Variants in B4GALT5 observed in about 807,000 individuals in gnomAD.
B4GALT5 encodes the protein beta-1,4-galactosyltransferase 5.
A neutral mutation model predicts 45.0 loss-of-function variants in B4GALT5; 11 were observed. That is an observed-to-expected ratio of 0.24 (90% confidence interval 0.15 to 0.40). The LOEUF (loss-of-function observed/expected upper bound fraction) is 0.40, where lower values mean the gene tolerates loss of function less well. Among genes scored for constraint, B4GALT5 ranks in the 10% least tolerant of loss-of-function variants. The pLI is 1.00. For synonymous variants in B4GALT5, 185 were observed against 182.9 expected, an observed-to-expected ratio of 1.01 and a Z score of -0.09; for missense variants, 337 against 500.2, an observed-to-expected ratio of 0.67 and a Z score of 3.11.
chr20:49,647,673 T>C (rs1416110663), intron 2 of B4GALT5, among the ~76,000 whole-genome samples: 1 of 152,206 alleles, frequency 6.6e-6, no homozygotes, highest in Non-Finnish European at 1.5e-5. Context: ...AAGTTATGCA[T>C]CTTGTTTTTC....
Position 49,646,958 on chromosome 20 carries a change from TACTC to T in B4GALT5, c.364+3_364+6del. 1 of 1,566,358 alleles carries T rather than the reference TACTC, an allele frequency of 6.4e-7. No individual in the cohort carries two copies. The highest frequency in any genetic ancestry group is 8.8e-7 in the Non-Finnish European group (1 of 1,136,964). ...AGCAGAGGAAGACAGGCCAGAGCTG[TACTC>T]ACTCATGGAAGGGAGTCTTTCAGGG... On this transcript the variant is annotated splice_donor_5th_base_variant and intron_variant, in intron 3 of 8. Coordinates refer to ENST00000371711, the MANE Select transcript of B4GALT5 (RefSeq NM_004776.4).
intron 2 of B4GALT5, among the ~76,000 whole-genome samples, chr20:49,647,836 T>TG: frequency 6.6e-6 from 1 of 151,998 alleles, no homozygotes; most frequent in Non-Finnish European, 1.5e-5. Flanking sequence ...CAAATGTGCT[T>TG]GGGGGGAGGT....
At chr20:49,667,665 C>A (rs1258594730) in intron 1 of B4GALT5, among the ~76,000 whole-genome samples, 1 of 152,178 alleles carries the variant, frequency 6.6e-6, no homozygotes, top group African/African-American at 2.4e-5. Context: ...CACACTTTGG[C>A]CTCCCAAAGT....
At chr20:49,644,722 T>C (rs897957704) in intron 3 of B4GALT5, among the ~76,000 whole-genome samples, 5 of 152,214 alleles carry the variant, frequency 3.3e-5, no homozygotes, top group Non-Finnish European at 7.3e-5. Flanking sequence ...AAAACCTATA[T>C]ATGTGTGGTG....
chr20:49,712,548 C>T (rs1240970302), intron 1 of B4GALT5, among the ~76,000 whole-genome samples: 3 of 152,118 alleles, frequency 2.0e-5, no homozygotes, highest in Non-Finnish European at 4.4e-5. Context: ...GTACCCATTA[C>T]ATCTTTCCTC....
chr20:49,662,132 T>G (rs1354873983), intron 1 of B4GALT5, among the ~76,000 whole-genome samples: 2 of 152,160 alleles, frequency 1.3e-5, no homozygotes, highest in African/African-American at 4.8e-5. Context: ...CCTTTCTCAC[T>G]GAACCTTAAT....
Position 49,640,611 on chromosome 20 carries a change from C to A in B4GALT5, c.661G>T (p.Ala221Ser), listed in dbSNP as rs2085572870. 6.2e-7 allele frequency: 1 copy of A among 1,613,884 alleles called. No homozygotes were observed. Among genetic ancestry groups the A allele is most frequent in the South Asian group, 1.1e-5 (1 of 90,988 alleles). The change falls in exon 6 of 9, where the codon GCA becomes TCA. Residue 221 changes from alanine (A) to serine (S), a missense_variant. By Grantham distance (99) the Ala-to-Ser change is moderately conservative (BLOSUM62 1). Transcript: ENST00000371711. The stretch of plus-strand genomic sequence containing the variant: ...CAGTCCCAATCCAAGTCTTTCATTG[C>A]CTCTTGAAAGCCAACGTTGAAAAGC... ...AMLFNVGFQE[A>S]MKDLDWDCLI... is the part of the protein sequence containing the mutation.
chr20:49,697,162 T>TA (rs966781224), intron 1 of B4GALT5, among the ~76,000 whole-genome samples: 3 of 152,196 alleles, frequency 2.0e-5, no homozygotes, highest in Non-Finnish European at 4.4e-5. Context: ...CATAAACAGC[T>TA]AAAGAAATTA....
intron 1 of B4GALT5, among the ~76,000 whole-genome samples, chr20:49,690,305 C>G (rs939410383): frequency 2.6e-5 from 4 of 152,138 alleles, no homozygotes; most frequent in Non-Finnish European, 5.9e-5. Context: ...CATGCCTGGC[C>G]ACAAGTGTTA....
At chr20:49,636,751 G>A (rs1326804673) in intron 8 of B4GALT5, among the ~76,000 whole-genome samples, 3 of 152,152 alleles carry the variant, frequency 2.0e-5, no homozygotes, top group East Asian at 3.8e-4. Flanking sequence ...ACTTGCCCAA[G>A]GTCAGAGAGT....
At chr20:49,666,183 T>C (rs1286469279) in intron 1 of B4GALT5, among the ~76,000 whole-genome samples, 1 of 152,172 alleles carries the variant, frequency 6.6e-6, no homozygotes, top group East Asian at 1.9e-4. Context: ...TAAGATTCTG[T>C]GTGTAGAATC....
At position 49,643,425 on chromosome 20, in the gene B4GALT5, A is replaced by C. The variant is rs143102120; in HGVS notation, c.489+101T>G. ...ACATTTGCATGGAATGGTAGGATGA[A>C]AATGACAAAATGTCATGGTTAGCTA... On this transcript the variant is annotated intron_variant, in intron 4 of 8. Transcript: ENST00000371711. 2.0e-4 allele frequency: 289 copies of C among 1,463,876 alleles called. 1 individual carries two copies. The African/African-American group carries it at 3.8e-3, about 19-fold the overall frequency. The allele number at this position is 1,463,876 out of a possible 1,614,324, so 90.7% of individuals were successfully genotyped here.
chr20:49,673,178 G>A (rs541239997), intron 1 of B4GALT5, among the ~76,000 whole-genome samples: 31 of 152,120 alleles, frequency 2.0e-4, no homozygotes, highest in Non-Finnish European at 3.5e-4. Flanking sequence ...TCAGGAGTTC[G>A]AGACCAGCCT....
intron 1 of B4GALT5, among the ~76,000 whole-genome samples, chr20:49,689,318 T>C (rs1030303437): frequency 6.6e-6 from 1 of 152,172 alleles, no homozygotes; most frequent in African/African-American, 2.4e-5. Context: ...ACCTGATAAT[T>C]CTTAGCTCAC....
chr20:49,678,344 C>T (rs2085748705), intron 1 of B4GALT5, among the ~76,000 whole-genome samples: 1 of 152,212 alleles, frequency 6.6e-6, no homozygotes, highest in Non-Finnish European at 1.5e-5. Flanking sequence ...GGACTGGACA[C>T]ATGTCATGGA....
rs115531093 is a variant in B4GALT5 at position 49,681,521 on chromosome 20, C to A, written c.116-24819G>T. Among the ~76,000 whole-genome samples, 544 of 152,292 alleles carry A rather than the reference C, an allele frequency of 3.6e-3. 1 individual carries two copies. Among genetic ancestry groups the A allele is most frequent in the African/African-American group, 0.012 (502 of 41,550 alleles). On this transcript the variant is annotated intron_variant, in intron 1 of 8. Coordinates refer to ENST00000371711, the MANE Select transcript of B4GALT5 (RefSeq NM_004776.4). ...ATACCACCTGTTTGCTGGACACTCCCAAATCCTTATATTGAGCCCTGACTT... is the reference window on the plus strand; with the variant it reads ...ATACCACCTGTTTGCTGGACACTCCAAAATCCTTATATTGAGCCCTGACTT...
At chr20:49,659,804 T>C (rs900681317) in intron 1 of B4GALT5, among the ~76,000 whole-genome samples, 1 of 150,550 alleles carries the variant, frequency 6.6e-6, no homozygotes, top group East Asian at 1.9e-4. Context: ...TCACTTGTTT[T>C]TTCTTTTTTT....
intron 1 of B4GALT5, among the ~76,000 whole-genome samples, chr20:49,664,361 G>A (rs939519704): frequency 1.3e-5 from 2 of 151,100 alleles, no homozygotes; most frequent in African/African-American, 4.9e-5. Flanking sequence ...TGGGACCACA[G>A]CGGAATGCCC....
chr20:49,645,009 G>C (rs1478150688), intron 3 of B4GALT5, among the ~76,000 whole-genome samples: 1 of 152,110 alleles, frequency 6.6e-6, no homozygotes, highest in Non-Finnish European at 1.5e-5. Context: ...TACTGTCCTT[G>C]TTTTAGCTTA....
Sources: allele counts gnomAD v4.1 joint callset (sites outside exome capture counted in the v4.1 genomes callset), GRCh38; gene constraint gnomAD v4.1.1; transcripts MANE v1.5; gene names NCBI Gene and HGNC (gene_info 2026-07-23, HGNC 2026-07-21).